FMNL2: variants seen among roughly 807,000 people sequenced by gnomAD.
FMNL2 encodes formin-like protein 2.
A neutral mutation model predicts 130.2 loss-of-function variants in FMNL2; 51 were observed. That is an observed-to-expected ratio of 0.39 (90% CI 0.31 to 0.49). FMNL2 has a LOEUF of 0.49. Among genes scored for constraint, FMNL2 ranks in the 20% least tolerant of loss-of-function variants. The probability of loss-of-function intolerance (pLI) is 0.85; values close to 1 mark genes in which losing one functional copy is unlikely to be tolerated. For synonymous variants in FMNL2, 465 were observed against 467.1 expected, an observed-to-expected ratio of 1.00 and a Z score of 0.06; for missense variants, 977 against 1,316.2, an observed-to-expected ratio of 0.74 and a Z score of 3.99.
At chr2:152,477,455 G>A (rs924485495) in intron 1 of FMNL2, among the ~76,000 whole-genome samples, 2 of 152,134 alleles carry the variant, frequency 1.3e-5, no homozygotes, top group African/African-American at 4.8e-5. Flanking sequence ...CTAGATTTTG[G>A]TGCTGTTTTA....
intron 1 of FMNL2, 81 bp downstream of exon 1, chr2:152,335,801 A>C (rs1579415186): frequency 9.6e-6 from 10 of 1,039,528 alleles, no homozygotes; most frequent in Admixed American, 8.2e-5. Flanking sequence ...CCTCCCCTTC[A>C]CCCCGTGCCG....
intron 1 of FMNL2, among the ~76,000 whole-genome samples, chr2:152,396,404 G>A (rs1381662746): frequency 1.3e-5 from 2 of 152,238 alleles, no homozygotes; most frequent in African/African-American, 4.8e-5. Flanking sequence ...ACAGTGGGCA[G>A]TCTTGTCATT....
chr2:152,642,631 C>T (rs1251031599), intron 25 of FMNL2, among the ~76,000 whole-genome samples: 1 of 152,206 alleles, frequency 6.6e-6, no homozygotes, highest in Non-Finnish European at 1.5e-5. Context: ...AGCAGAGCTC[C>T]TTCCTAGGTA....
chr2:152,599,246 C>T (rs1697920603), intron 9 of FMNL2, among the ~76,000 whole-genome samples: 1 of 152,100 alleles, frequency 6.6e-6, no homozygotes, highest in Non-Finnish European at 1.5e-5. Flanking sequence ...TACAAGTAGC[C>T]TTGAAAGACT....
Position 152,566,671 on chromosome 2 carries a change from A to T in FMNL2, c.596+5636A>T, listed in dbSNP as rs528312698. Among the ~76,000 whole-genome samples the T allele has an allele frequency of 2.6e-5, 4 of 152,334 alleles. No individual in the cohort carries two copies. The South Asian group carries it at 8.3e-4, about 32-fold the overall frequency. ...AAGATATATTAAATAATATATTTGT[A>T]TATGATTTGTGGCTGACAAGGGACT... On this transcript the variant is annotated intron_variant, in intron 6 of 25. Transcript: ENST00000288670.
chr2:152,497,848 G>T (rs1691596811), intron 1 of FMNL2, among the ~76,000 whole-genome samples: 1 of 152,060 alleles, frequency 6.6e-6, no homozygotes, highest in Non-Finnish European at 1.5e-5. Flanking sequence ...TGTTGGCCAG[G>T]GTTTCGATAT....
chr2:152,555,751 G>A (rs972470722), intron 4 of FMNL2, among the ~76,000 whole-genome samples: 3 of 152,190 alleles, frequency 2.0e-5, no homozygotes, highest in African/African-American at 7.2e-5. Flanking sequence ...AGGCACTCAG[G>A]AAGTTATGCG....
intron 1 of FMNL2, among the ~76,000 whole-genome samples, chr2:152,505,231 G>C (rs895517709): frequency 6.6e-6 from 1 of 152,084 alleles, no homozygotes. Context: ...GAAAGGAATA[G>C]TAGAGAGTCA....
At chr2:152,539,449 G>A (rs1694182522) in intron 2 of FMNL2, 1 of 152,320 alleles carries the variant, frequency 6.6e-6, no homozygotes, top group African/African-American at 2.4e-5. Flanking sequence ...GAGGTAGAAA[G>A]AGGAGATGGG....
At chr2:152,518,199 A>T (rs9967814) in intron 1 of FMNL2, among the ~76,000 whole-genome samples, 26,907 of 152,092 alleles carry the variant, frequency 0.18, 3,004 homozygotes, top group East Asian at 0.37. Context: ...ACATCCCTGA[A>T]CTTTAACCAG....
At chr2:152,493,603 A>G (rs1161812890) in intron 1 of FMNL2, among the ~76,000 whole-genome samples, 1 of 152,156 alleles carries the variant, frequency 6.6e-6, no homozygotes, top group Non-Finnish European at 1.5e-5. Flanking sequence ...CACTGGTGGT[A>G]ATGAGTGAGT....
chr2:152,465,082 A>C (rs1003349208), intron 1 of FMNL2, among the ~76,000 whole-genome samples: 1 of 152,234 alleles, frequency 6.6e-6, no homozygotes, highest in African/African-American at 2.4e-5. Context: ...TGGCAGCATC[A>C]ACAAGAAACA....
At chr2:152,636,158 C>G (rs74436814) in intron 21 of FMNL2, among the ~76,000 whole-genome samples, 1 of 152,308 alleles carries the variant, frequency 6.6e-6, no homozygotes, top group East Asian at 1.9e-4. Flanking sequence ...GCAGTGTGAC[C>G]AAGGGCAGGC....
At chr2:152,569,538 C>T (rs545819488) in intron 6 of FMNL2, among the ~76,000 whole-genome samples, 17 of 146,742 alleles carry the variant, frequency 1.2e-4, no homozygotes, top group South Asian at 4.4e-4. Context: ...TTTGCTTAGC[C>T]GGGCGTGGTG....
At chr2:152,359,414 A>G (rs1683030630) in intron 1 of FMNL2, among the ~76,000 whole-genome samples, 2 of 151,826 alleles carry the variant, frequency 1.3e-5, no homozygotes, top group South Asian at 2.1e-4. Context: ...TAAGTGCCCA[A>G]TCTTAATTGT....
chr2:152,538,238 G>C (rs371523805), intron 2 of FMNL2, among the ~76,000 whole-genome samples: 1 of 151,664 alleles, frequency 6.6e-6, no homozygotes, highest in South Asian at 2.1e-4. Context: ...AGGAAGAGGA[G>C]GATTAAAATT....
intron 2 of FMNL2, among the ~76,000 whole-genome samples, chr2:152,535,817 G>A (rs903288323): frequency 1.3e-5 from 2 of 152,188 alleles, no homozygotes; most frequent in Non-Finnish European, 2.9e-5. Context: ...ATCTATTATA[G>A]TCAGTAGGCA....
At chr2:152,452,503 C>T (rs983487706) in intron 1 of FMNL2, among the ~76,000 whole-genome samples, 5 of 149,198 alleles carry the variant, frequency 3.4e-5, no homozygotes, top group African/African-American at 5.0e-5. Flanking sequence ...TTGGCAAAGG[C>T]GAATCAATGT....
intron 15 of FMNL2, among the ~76,000 whole-genome samples, 158 bp downstream of exon 15, chr2:152,619,876 C>G (rs1354532416): frequency 6.6e-6 from 1 of 152,052 alleles, no homozygotes; most frequent in Non-Finnish European, 1.5e-5. Context: ...GAGGGAACAT[C>G]ATCACGCATG....
Sources: gnomAD v4.1 joint callset for allele counts (sites outside exome capture counted in the v4.1 genomes callset) on GRCh38, gnomAD v4.1.1 for gene constraint, MANE v1.5 for transcripts, NCBI Gene and HGNC (gene_info 2026-07-23, HGNC 2026-07-21) for gene names.